Variants in IST1 observed in about 807,000 individuals in gnomAD.
IST1 encodes the protein IST1 homolog.
Under a neutral mutation model 37.0 loss-of-function variants are expected in IST1, and 23 were observed. The observed-to-expected ratio is 0.62, with a 90% CI of 0.45 to 0.88. The LOEUF (loss-of-function observed/expected upper bound fraction) is 0.88, where lower values mean the gene tolerates loss of function less well. IST1 is among the 40% of genes least tolerant of loss of function. The pLI is 0.00. For synonymous variants in IST1, 180 were observed against 161.7 expected (o/e 1.11, Z -0.86); for missense variants, 488 against 445.4 (o/e 1.10, Z -0.86).
Position 71,927,805 on chromosome 16 carries a change from A to G in IST1, c.1093A>G (p.Lys365Glu). 2 of 1,613,362 alleles carry G rather than the reference A, an allele frequency of 1.2e-6. No individual in the cohort carries two copies. The highest frequency in any genetic ancestry group is 1.7e-6 in the Non-Finnish European group (2 of 1,179,446). ...CCGGAGGTTTGAAGAGCTGAAAAAGAAAACATAGGTCTCTTAAACCAGGCA... is the reference window on the plus strand; with the variant it reads ...CCGGAGGTTTGAAGAGCTGAAAAAGGAAACATAGGTCTCTTAAACCAGGCA... Reference protein sequence around the residue: ...LSRRFEELKKKT With the variant: ...LSRRFEELKKET The change falls in exon 10 of 10, where the codon AAA (lysine) becomes GAA (glutamate). Residue 365 changes from lysine (K) to glutamate (E), a missense_variant. By Grantham distance (56) the Lys-to-Glu change is moderately conservative (BLOSUM62 1). Transcript: ENST00000378799.
chr16:71,921,007 G>A (rs760319791), intron 5 of IST1, 185 bp downstream of exon 5: 2 of 642,764 alleles, frequency 3.1e-6, no homozygotes, highest in East Asian at 2.8e-5. Flanking sequence ...AATTCCTCTG[G>A]TTACTGTCAT....
At position 71,929,996 on chromosome 16, in the gene IST1, C is replaced by G; in HGVS notation, c.*2183C>G. 6.7e-7 allele frequency: 1 copy of G among 1,500,448 alleles called. No homozygotes were observed. The highest frequency in any genetic ancestry group is 8.9e-7 in the Non-Finnish European group (1 of 1,117,328). The allele number at this position is 1,500,448 out of a possible 1,614,324, so 92.9% of individuals were successfully genotyped here. A position where few individuals can be genotyped will look rare whatever the true frequency, so the allele number is the denominator to read the frequency against. The stretch of plus-strand genomic sequence containing the variant: ...CAGCCCGTCATCTTAGGGGCAGTTA[C>G]AGTGGAGCTTTCCCAGTGATATAAC... On this transcript the variant is annotated 3_prime_UTR_variant, in exon 10 of 10. Coordinates refer to ENST00000378799, the MANE Select transcript of IST1 (RefSeq NM_001270975.2).
chr16:71,929,693 C>G lies in IST1; in HGVS notation c.*1880C>G. ...GCAGCTTCTTTCTGAGTATTGAAGA[C>G]AAAAAGAGAAAAGTGAGAAAATTGA... On this transcript the variant is annotated 3_prime_UTR_variant, in exon 10 of 10. Transcript: ENST00000378799. 6.6e-7 allele frequency: 1 copy of G among 1,512,760 alleles called. No individual in the cohort carries two copies. Among genetic ancestry groups the G allele is most frequent in the Non-Finnish European group, 8.8e-7 (1 of 1,131,146 alleles). 93.7% of individuals were successfully genotyped at this position (1,512,760 alleles called of 1,614,324 possible). A position where few individuals can be genotyped will look rare whatever the true frequency, so the allele number is the denominator to read the frequency against.
intron 8 of IST1, 53 bp from the exon 9 acceptor site, chr16:71,924,715 CT>C: frequency 1.5e-6 from 2 of 1,371,586 alleles, no homozygotes; most frequent in Non-Finnish European, 2.1e-6. Context: ...TACACCAGTA[CT>C]TTCTCCAGTG....
intron 8 of IST1, chr16:71,924,507 C>T: frequency 1.8e-6 from 1 of 559,294 alleles, no homozygotes; most frequent in South Asian, 2.1e-5. Context: ...GGGGCAATGG[C>T]TGGAGGCCAG....
chr16:71,924,180 G>A (rs532382702), intron 8 of IST1: 37 of 455,854 alleles, frequency 8.1e-5, no homozygotes, highest in Non-Finnish European at 1.5e-4. Flanking sequence ...GAATGAGGTC[G>A]AAAATCTTCA....
intron 1 of IST1, among the ~76,000 whole-genome samples, chr16:71,913,535 C>G (rs920546809): frequency 3.7e-4 from 57 of 152,236 alleles, no homozygotes; most frequent in African/African-American, 1.3e-3. Context: ...GAGTCTTGCT[C>G]TCTCACCTAG....
At position 71,917,099 on chromosome 16, in the gene IST1, C is replaced by G. The variant is rs776923193; in HGVS notation, c.322C>G (p.Pro108Ala). The change falls in exon 4 of 10, where the codon CCT becomes GCT. Residue 108 changes from proline (P) to alanine (A), a missense_variant. Coordinates refer to ENST00000378799, the MANE Select transcript of IST1 (RefSeq NM_001270975.2). ...ESVSTLIWAA[P>A]RLQSEVAELK... ...TGTGTCTACATTGATCTGGGCTGCT[C>G]CTCGACTCCAGTCAGAAGTGGCTGA... is the stretch of plus-strand genomic sequence containing the variant. 4 of 1,612,372 alleles carry G rather than the reference C, an allele frequency of 2.5e-6. No homozygotes were observed. In the South Asian group the frequency reaches 3.3e-5, roughly 13 times the overall value.
At position 71,929,393 on chromosome 16, in the gene IST1, G is replaced by T; in HGVS notation, c.*1580G>T. Reference sequence around the variant, plus strand: ...GTTAATCCTATCTTGACAGTGCCAAGATCCATAAGAACTTGGGACCAAGGG... The same window carrying T: ...GTTAATCCTATCTTGACAGTGCCAATATCCATAAGAACTTGGGACCAAGGG... On this transcript the variant is annotated 3_prime_UTR_variant, in exon 10 of 10. Coordinates refer to ENST00000378799, the MANE Select transcript of IST1 (RefSeq NM_001270975.2). 1 of 780,606 alleles carries T rather than the reference G, an allele frequency of 1.3e-6. No homozygotes were observed. Among genetic ancestry groups the T allele is most frequent in the African/African-American group, 1.8e-5 (1 of 56,926 alleles). 48.4% of individuals were successfully genotyped at this position (780,606 alleles called of 1,614,324 possible).
At chr16:71,895,440 C>A, upstream of IST1, 1 of 858,394 alleles carries the variant, frequency 1.2e-6, no homozygotes, top group Non-Finnish European at 1.4e-6. Context: ...GCGGCGATCG[C>A]GCAGCCAATC....
chr16:71,929,739 T>A lies in IST1; in HGVS notation c.*1926T>A. 1 of 1,393,118 alleles carries A rather than the reference T, an allele frequency of 7.2e-7. No individual in the cohort carries two copies. Among genetic ancestry groups the A allele is most frequent in the East Asian group, 2.5e-5 (1 of 39,738 alleles). 86.3% of individuals were successfully genotyped at this position (1,393,118 alleles called of 1,614,324 possible). On this transcript the variant is annotated 3_prime_UTR_variant, in exon 10 of 10. Coordinates refer to ENST00000378799, the MANE Select transcript of IST1 (RefSeq NM_001270975.2). ...ATTGAAATTACTGCTAATAGTGGAG[T>A]AAAAAAAGTACCAAAGATTTTTAAA...
intron 1 of IST1, among the ~76,000 whole-genome samples, chr16:71,906,669 C>T (rs537872150): frequency 3.3e-5 from 5 of 152,138 alleles, no homozygotes; most frequent in Admixed American, 2.0e-4. Flanking sequence ...ACTAGTTTTC[C>T]CTCATCTGAG....
chr16:71,917,546 T>C (rs1173650318), intron 4 of IST1, among the ~76,000 whole-genome samples: 1 of 152,208 alleles, frequency 6.6e-6, no homozygotes, highest in Non-Finnish European at 1.5e-5. Flanking sequence ...GTGAACAAAA[T>C]ATGGCACCAG....
At position 71,930,289 on chromosome 16, in the gene IST1, C is replaced by A. The variant is rs1567481659; in HGVS notation, c.*2476C>A. 1.7e-6 allele frequency: 2 copies of A among 1,188,482 alleles called. No homozygotes were observed. The highest frequency in any genetic ancestry group is 5.4e-5 in the East Asian group (2 of 37,036). The allele number at this position is 1,188,482 out of a possible 1,614,324, so 73.6% of individuals were successfully genotyped here. A position where few individuals can be genotyped will look rare whatever the true frequency, so the allele number is the denominator to read the frequency against. The stretch of plus-strand genomic sequence containing the variant: ...GGATCTTATCAGAAGAAAAGCTTAT[C>A]CGAAGGAAACTTAGGGAGAGAGTCA... On this transcript the variant is annotated 3_prime_UTR_variant, in exon 10 of 10. Coordinates refer to ENST00000378799, the MANE Select transcript of IST1 (RefSeq NM_001270975.2).
Position 71,930,492 on chromosome 16 carries a change from A to T in IST1, c.*2679A>T, listed in dbSNP as rs2037906932. The T allele has an allele frequency of 4.8e-6, 1 of 208,638 alleles. No individual in the cohort carries two copies. Among genetic ancestry groups the T allele is most frequent in the South Asian group, 1.6e-4 (1 of 6,270 alleles). The allele number at this position is 208,638 out of a possible 1,614,324, so 12.9% of individuals were successfully genotyped here. A position where few individuals can be genotyped will look rare whatever the true frequency, so the allele number is the denominator to read the frequency against. Reference sequence around the variant, plus strand: ...TGGCAAAAAATACATCTAATCATGGAAGCTAAAAGTGGGAGGGGGGTAAGC... The same window carrying T: ...TGGCAAAAAATACATCTAATCATGGTAGCTAAAAGTGGGAGGGGGGTAAGC... On this transcript the variant is annotated 3_prime_UTR_variant, in exon 10 of 10. Transcript: ENST00000378799.
chr16:71,924,745 C>T (rs545735134), intron 8 of IST1, 24 bp from the exon 9 acceptor site: 3 of 1,585,508 alleles, frequency 1.9e-6, no homozygotes, highest in South Asian at 2.2e-5. Context: ...GCTGTCTCCT[C>T]TGGTAACAAT....
intron 1 of IST1, among the ~76,000 whole-genome samples, chr16:71,905,273 A>G (rs1223522359): frequency 6.7e-6 from 1 of 148,880 alleles, no homozygotes; most frequent in African/African-American, 2.5e-5. Flanking sequence ...TGACCTCGTG[A>G]TCCACCCACC....
intron 9 of IST1, among the ~76,000 whole-genome samples, chr16:71,925,161 C>T (rs982344446): frequency 1.2e-4 from 18 of 151,100 alleles, no homozygotes; most frequent in East Asian, 7.8e-4. Context: ...TACAGGCGCC[C>T]GCCACCATGC....
At chr16:71,924,286 G>A (rs968013016) in intron 8 of IST1, 1 of 419,502 alleles carries the variant, frequency 2.4e-6, no homozygotes, top group Non-Finnish European at 4.7e-6. Context: ...AGTATGGTAA[G>A]GATTTTTTTT....
Sources: allele counts gnomAD v4.1 joint callset (sites outside exome capture counted in the v4.1 genomes callset), GRCh38; gene constraint gnomAD v4.1.1; transcripts MANE v1.5; gene names NCBI Gene and HGNC (gene_info 2026-07-23, HGNC 2026-07-21).